The following CNTNAP5 variants were observed in gnomAD, a reference collection of about 807,000 sequenced individuals.
CNTNAP5 encodes the protein contactin-associated protein-like 5.
CNTNAP5 carries 72 observed loss-of-function variants against 150.2 expected under a neutral mutation model. The ratio of observed to expected loss-of-function variants is 0.48; its 90% CI spans 0.40 to 0.58. CNTNAP5 has a LOEUF of 0.58. Ranked by LOEUF, CNTNAP5 falls within the 20% of genes least tolerant of loss-of-function variation. The probability of loss-of-function intolerance (pLI) is 0.00; values close to 1 mark genes in which losing one functional copy is unlikely to be tolerated. For missense variants in CNTNAP5, 1,636 were observed against 1,626.2 expected (o/e 1.01, Z -0.10); for synonymous variants, 672 against 619.8 (o/e 1.08, Z -1.25).
At position 124,042,140 on chromosome 2, in the gene CNTNAP5, C is replaced by T. The variant is rs192687830; in HGVS notation, c.82+16408C>T. ...CCCCGCAAAGTGCTGGGATTACCGG[C>T]ATGAGCCACCATGCCCAGCCAATTA... On this transcript the variant is annotated intron_variant, in intron 1 of 23. Coordinates refer to ENST00000682447, the MANE Select transcript of CNTNAP5 (RefSeq NM_001367498.1). Among the ~76,000 whole-genome samples, 316 of 152,270 alleles carry T rather than the reference C, an allele frequency of 2.1e-3. 4 individuals carry two copies. In the South Asian group the frequency reaches 0.029, roughly 14 times the overall value.
intron 11 of CNTNAP5, among the ~76,000 whole-genome samples, chr2:124,588,157 T>TTTCCTTCC (rs1553482424): frequency 3.8e-5 from 3 of 79,240 alleles, no homozygotes; most frequent in Admixed American, 1.5e-4. Flanking sequence ...CTTCCTTCCT[T>TTTCCTTCC]TTCCTTCCTT....
intron 3 of CNTNAP5, among the ~76,000 whole-genome samples, chr2:124,292,052 G>A (rs1399597939): frequency 6.6e-6 from 1 of 152,070 alleles, no homozygotes; most frequent in African/African-American, 2.4e-5. Context: ...AATCATATGA[G>A]GACCAACAGT....
At chr2:124,632,466 C>T (rs1677884106) in intron 12 of CNTNAP5, among the ~76,000 whole-genome samples, 1 of 151,894 alleles carries the variant, frequency 6.6e-6, no homozygotes. Context: ...GAAAACCAAA[C>T]ACTACATGTT....
chr2:124,271,285 C>T (rs974027506), intron 3 of CNTNAP5, among the ~76,000 whole-genome samples: 1 of 151,732 alleles, frequency 6.6e-6, no homozygotes, highest in East Asian at 1.9e-4. Flanking sequence ...AAGAGGAGAA[C>T]AGCAAGAGAC....
chr2:124,792,509 T>G (rs1681755851), intron 18 of CNTNAP5, among the ~76,000 whole-genome samples: 1 of 152,062 alleles, frequency 6.6e-6, no homozygotes. Context: ...GTATTTTTTC[T>G]CTCTCTTTCT....
intron 13 of CNTNAP5, among the ~76,000 whole-genome samples, chr2:124,735,435 T>A (rs1680361817): frequency 6.6e-6 from 1 of 151,984 alleles, no homozygotes; most frequent in East Asian, 1.9e-4. Context: ...AGACTTTTTT[T>A]TTTTTGCTTT....
intron 3 of CNTNAP5, among the ~76,000 whole-genome samples, chr2:124,403,751 A>G (rs1238231960): frequency 6.6e-6 from 1 of 152,172 alleles, no homozygotes; most frequent in African/African-American, 2.4e-5. Context: ...TAATAAAGAC[A>G]TACCCGAGAC....
intron 21 of CNTNAP5, among the ~76,000 whole-genome samples, chr2:124,877,782 T>C (rs990521289): frequency 6.6e-6 from 1 of 152,096 alleles, no homozygotes; most frequent in African/African-American, 2.4e-5. Context: ...TACAAAATAA[T>C]AGTACTAAAA....
At chr2:124,836,386 C>T (rs1682829962) in intron 19 of CNTNAP5, among the ~76,000 whole-genome samples, 3 of 152,082 alleles carry the variant, frequency 2.0e-5, no homozygotes, top group Non-Finnish European at 4.4e-5. Context: ...TGAAATTGTT[C>T]CTGCCACAGA....
chr2:124,115,792 TTGTG>T (rs5834038), intron 1 of CNTNAP5, among the ~76,000 whole-genome samples: 5,574 of 138,230 alleles, frequency 0.04, 314 homozygotes, highest in African/African-American at 0.13. Flanking sequence ...GCCTGGCTAA[TTGTG>T]TGTGTGTGTG....
intron 3 of CNTNAP5, among the ~76,000 whole-genome samples, chr2:124,304,102 G>T (rs950358351): frequency 1.3e-5 from 2 of 152,268 alleles, no homozygotes; most frequent in Non-Finnish European, 2.9e-5. Flanking sequence ...GTCCTAGGGA[G>T]ATATGATGCT....
At chr2:124,529,392 A>G (rs1373908739) in intron 10 of CNTNAP5, among the ~76,000 whole-genome samples, 2 of 152,262 alleles carry the variant, frequency 1.3e-5, no homozygotes, top group Admixed American at 6.5e-5. Context: ...GTGTAATTGT[A>G]GTCTTGTATA....
chr2:124,859,392 T>C (rs1677459732), intron 19 of CNTNAP5, among the ~76,000 whole-genome samples: 1 of 152,124 alleles, frequency 6.6e-6, no homozygotes, highest in Non-Finnish European at 1.5e-5. Context: ...TGGCAATCAT[T>C]AAAAAGTCAG....
intron 12 of CNTNAP5, among the ~76,000 whole-genome samples, chr2:124,642,650 T>G (rs1172114193): frequency 6.6e-6 from 1 of 152,172 alleles, no homozygotes; most frequent in African/African-American, 2.4e-5. Context: ...TTACTTGTAG[T>G]CTACAGAGTA....
At chr2:124,690,786 G>C (rs1679285199) in intron 13 of CNTNAP5, among the ~76,000 whole-genome samples, 1 of 151,980 alleles carries the variant, frequency 6.6e-6, no homozygotes, top group African/African-American at 2.4e-5. Context: ...CCTCCTCAAA[G>C]CCTTCCTTAA....
At chr2:124,802,334 C>A (rs1415908762) in intron 19 of CNTNAP5, among the ~76,000 whole-genome samples, 1 of 152,178 alleles carries the variant, frequency 6.6e-6, no homozygotes, top group East Asian at 1.9e-4. Flanking sequence ...GGTTGGAATT[C>A]TTCTGTGCCC....
chr2:124,616,136 T>A (rs1341382223), intron 12 of CNTNAP5, among the ~76,000 whole-genome samples: 1 of 152,152 alleles, frequency 6.6e-6, no homozygotes, highest in Non-Finnish European at 1.5e-5. Flanking sequence ...AGCACTTGCA[T>A]TAGTCCCTAC....
intron 13 of CNTNAP5, among the ~76,000 whole-genome samples, chr2:124,685,761 T>TGTGCGC (rs138014725): frequency 3.7e-5 from 5 of 133,818 alleles, no homozygotes; most frequent in Middle Eastern, 3.7e-3. Flanking sequence ...TGTGTGTGTG[T>TGTGCGC]GCGCGCGCGT....
chr2:124,285,127 C>T (rs760476461), intron 3 of CNTNAP5, among the ~76,000 whole-genome samples: 3 of 152,094 alleles, frequency 2.0e-5, no homozygotes, highest in Non-Finnish European at 4.4e-5. Flanking sequence ...TGTTTTCCAC[C>T]GGGCAACTTG....
Sources: gnomAD v4.1 joint callset for allele counts (sites outside exome capture counted in the v4.1 genomes callset) on GRCh38, gnomAD v4.1.1 for gene constraint, MANE v1.5 for transcripts, NCBI Gene and HGNC (gene_info 2026-07-23, HGNC 2026-07-21) for gene names.